The following TCP11 variants were observed in gnomAD, a reference collection of about 807,000 sequenced individuals.
The protein encoded by TCP11 is t-complex 11, also known as T-complex protein 11 homolog.
A neutral mutation model predicts 45.0 loss-of-function variants in TCP11; 34 were observed. That is an observed-to-expected ratio of 0.76 (90% CI 0.57 to 1.01). The LOEUF is 1.01. Ranked by LOEUF, TCP11 falls within the 50% of genes least tolerant of loss-of-function variation. TCP11 has a pLI of 0.00. For missense variants in TCP11, 523 were observed against 598.1 expected (o/e 0.87, Z 1.31); for synonymous variants, 227 against 227.0 (o/e 1.00, Z 0.00).
Position 35,129,090 on chromosome 6 carries a change from G to A in TCP11, c.329C>T (p.Ala110Val). Residue 110 changes from alanine (A) to valine (V), a missense_variant, in exon 4 of 10, where the codon GCT (alanine) becomes GTT (valine). By Grantham distance (64) the Ala-to-Val change is moderately conservative (BLOSUM62 0). Coordinates refer to ENST00000311875, the MANE Select transcript of TCP11 (RefSeq NM_001370687.1). ...LSATPPDFSC[A>V]LELLKEIKEI... ...TTTAATTTCTTTCAGAAGTTCAAGA[G>A]CACAGCTGAAGTCAGGGGGAGTTGC... 1.9e-6 allele frequency: 3 copies of A among 1,614,068 alleles called. No individual in the cohort carries two copies. The highest frequency in any genetic ancestry group is 2.5e-6 in the Non-Finnish European group (3 of 1,179,978).
At chr6:35,131,254 C>T (rs1780404092) in intron 3 of TCP11, among the ~76,000 whole-genome samples, 1 of 151,968 alleles carries the variant, frequency 6.6e-6, no homozygotes, top group South Asian at 2.1e-4. Flanking sequence ...GCCTGGGCAA[C>T]AGAGCGAGAC....
intron 2 of TCP11, chr6:35,137,973 T>C (rs1310115710): frequency 2.9e-6 from 1 of 348,592 alleles, no homozygotes; most frequent in Admixed American, 3.8e-5. Flanking sequence ...TGTAGAAAAG[T>C]TACACAGGAG....
chr6:35,119,117 C>A, intron 9 of TCP11, 111 bp downstream of exon 9: 1 of 1,391,396 alleles, frequency 7.2e-7, no homozygotes, highest in Non-Finnish European at 9.8e-7. Context: ...AAAATCAAGG[C>A]TAAACAATGA....
In TCP11 at chr6:35,130,788, T is replaced by C. The variant is rs186409352; in HGVS notation, c.237-1606A>G. Among the ~76,000 whole-genome samples, 56 of 152,320 alleles carry C rather than the reference T, an allele frequency of 3.7e-4. No individual in the cohort carries two copies. The East Asian group carries it at 9.3e-3, about 25-fold the overall frequency. ...GTCAGATGTAAATGGTACAACCAGT[T>C]TGGAAGGCAGCTGGGCAGTTTCTTA... On this transcript the variant is annotated intron_variant, in intron 3 of 9. Coordinates refer to ENST00000311875, the MANE Select transcript of TCP11 (RefSeq NM_001370687.1).
rs1042331162 is a variant in TCP11, at chr6:35,118,081, T to C, written c.*188A>G. On this transcript the variant is annotated 3_prime_UTR_variant, in exon 10 of 10. Transcript: ENST00000311875. ...AGGAAAAATGGAGGATTTCTTGCAC[T>C]TAAGAAGTTTATTAATGAATGGGTA... 1.7e-6 allele frequency: 1 copy of C among 600,200 alleles called. No individual in the cohort carries two copies. The highest frequency in any genetic ancestry group is 3.0e-6 in the Non-Finnish European group (1 of 337,652). The allele number at this position is 600,200 out of a possible 1,614,324, so 37.2% of individuals were successfully genotyped here.
Position 35,120,156 on chromosome 6 carries a change from C to G in TCP11, c.1115+3G>C, listed in dbSNP as rs758853312. The G allele has an allele frequency of 6.2e-7, 1 of 1,613,496 alleles. No individual in the cohort carries two copies. Among genetic ancestry groups the G allele is most frequent in the East Asian group, 2.2e-5 (1 of 44,888 alleles). The stretch of plus-strand genomic sequence containing the variant: ...TACTCTAAAAAGTAACTATGCAGCT[C>G]ACCTGGAGTGAAAGTCTTCCAACAA... On this transcript the variant is annotated splice_donor_region_variant and intron_variant, in intron 8 of 9. Transcript: ENST00000311875. The surrounding 1 kb of genome is among the most constrained non-coding windows in gnomAD (Gnocchi z 4.9).
At chr6:35,128,916 T>C in intron 4 of TCP11, 146 bp downstream of exon 4, 1 of 1,042,896 alleles carries the variant, frequency 9.6e-7, no homozygotes, top group Non-Finnish European at 1.3e-6. Context: ...AAACCCTCCC[T>C]GCTAAAATTA....
At chr6:35,131,543 G>T (rs1780453906) in intron 3 of TCP11, among the ~76,000 whole-genome samples, 1 of 152,230 alleles carries the variant, frequency 6.6e-6, no homozygotes, top group African/African-American at 2.4e-5. Flanking sequence ...ACTCCAGCCT[G>T]GGTGACACAG....
rs763499959 is a variant in TCP11, at chr6:35,120,388, C to A, written c.933+41G>T. 18 of 1,594,704 alleles carry A rather than the reference C, an allele frequency of 1.1e-5. No individual in the cohort carries two copies. The highest frequency in any genetic ancestry group is 6.7e-5 in the African/African-American group (5 of 74,276). On this transcript the variant is annotated intron_variant, in intron 7 of 9. Transcript: ENST00000311875. This position sits in a 1 kb window ranked among gnomAD's most constrained non-coding sequence, Gnocchi z 4.9. The stretch of plus-strand genomic sequence containing the variant: ...CTGTCAGGGGAAGTCCCGATGGAAG[C>A]CCTGAACACAAAACAAGGCAATGCC...
chr6:35,132,454 T>A (rs763518931), intron 3 of TCP11, among the ~76,000 whole-genome samples: 4 of 152,236 alleles, frequency 2.6e-5, no homozygotes, highest in Non-Finnish European at 5.9e-5. Flanking sequence ...CTGTCTCCCC[T>A]ACAAAAGTTT....
intron 4 of TCP11, among the ~76,000 whole-genome samples, chr6:35,125,404 CA>C (rs1334953111): frequency 6.6e-6 from 1 of 152,070 alleles, no homozygotes; most frequent in Non-Finnish European, 1.5e-5. Context: ...AAATAGCCAA[CA>C]AACACACGAA....
chr6:35,138,069 C>A (rs1781305090), intron 2 of TCP11, among the ~76,000 whole-genome samples: 1 of 152,056 alleles, frequency 6.6e-6, no homozygotes, highest in South Asian at 2.1e-4. Context: ...TGGCTTTTAT[C>A]CAAAACTCAG....
chr6:35,140,048 C>T, intron 2 of TCP11: 1 of 1,614,038 alleles, frequency 6.2e-7, no homozygotes, highest in Non-Finnish European at 8.5e-7. Context: ...GGAAATGACC[C>T]CAATATGCCT....
At chr6:35,123,181 T>A (rs1779472402) in intron 4 of TCP11, among the ~76,000 whole-genome samples, 1 of 152,216 alleles carries the variant, frequency 6.6e-6, no homozygotes, top group African/African-American at 2.4e-5. Context: ...GCTCCTGCAT[T>A]GTGGAAGCTT....
intron 9 of TCP11, among the ~76,000 whole-genome samples, chr6:35,118,873 C>T (rs1778921081): frequency 6.6e-6 from 1 of 152,122 alleles, no homozygotes; most frequent in Non-Finnish European, 1.5e-5. Flanking sequence ...GGATTCCCCA[C>T]TATAGGAACA....
chr6:35,121,901 GA>G (rs1760490402), intron 5 of TCP11, among the ~76,000 whole-genome samples: 1 of 152,054 alleles, frequency 6.6e-6, no homozygotes, highest in Non-Finnish European at 1.5e-5. Flanking sequence ...TGGTATTACA[GA>G]GGGGGGGCCC....
chr6:35,134,291 T>TTG (rs1780804410), intron 3 of TCP11, among the ~76,000 whole-genome samples: 2 of 140,524 alleles, frequency 1.4e-5, no homozygotes, highest in African/African-American at 5.7e-5. Flanking sequence ...TTTTTTTTTT[T>TTG]TTTGGTTTTG....
chr6:35,137,651 C>T, intron 2 of TCP11: 1 of 351,530 alleles, frequency 2.8e-6, no homozygotes, highest in South Asian at 2.3e-5. Flanking sequence ...TATAGTACAG[C>T]TGATAGCATT....
At position 35,120,246 on chromosome 6, in the gene TCP11, A is replaced by G; in HGVS notation, c.1028T>C (p.Phe343Ser). Residue 343 changes from phenylalanine to serine, a missense_variant, in exon 8 of 10, where the codon TTC becomes TCC. By Grantham distance (155) the Phe-to-Ser change is radical. This residue lies in a region of TCP11 where 298 missense variants were observed against 387.9 expected (regional missense o/e 0.77). Coordinates refer to ENST00000311875, the MANE Select transcript of TCP11 (RefSeq NM_001370687.1). This position sits in a 1 kb window ranked among gnomAD's most constrained non-coding sequence, Gnocchi z 4.9. ...TGAGCCAAACAAAACACTGCCGGAG[A>G]AACTACTGGCCACCAGCAAGACTGA... Reference protein sequence around the residue: ...MASVLLVASSFSGSVLFGSPQ... With the variant: ...MASVLLVASSSSGSVLFGSPQ... 1 of 1,614,224 alleles carries G rather than the reference A, an allele frequency of 6.2e-7. No individual in the cohort carries two copies. The highest frequency in any genetic ancestry group is 8.5e-7 in the Non-Finnish European group (1 of 1,180,036).
Sources: allele counts gnomAD v4.1 joint callset (sites outside exome capture counted in the v4.1 genomes callset), GRCh38; gene constraint gnomAD v4.1.1; regional missense constraint gnomAD v4.1.1; non-coding constraint Gnocchi (gnomAD v3.1); transcripts MANE v1.5; gene names NCBI Gene and HGNC (gene_info 2026-07-23, HGNC 2026-07-21).